MACROD2: variants seen among roughly 807,000 people sequenced by gnomAD.
MACROD2 encodes ADP-ribose glycohydrolase MACROD2.
In MACROD2, 36 loss-of-function variants were observed where a neutral mutation model predicts 70.4. The ratio of observed to expected loss-of-function variants is 0.51; its 90% confidence interval spans 0.39 to 0.68. The LOEUF (loss-of-function observed/expected upper bound fraction) is 0.68, where lower values mean the gene tolerates loss of function less well. MACROD2 is among the 30% of genes least tolerant of loss of function. MACROD2 has a pLI of 0.00. For missense variants in MACROD2, 496 were observed against 538.4 expected (o/e 0.92, Z 0.78); for synonymous variants, 172 against 178.8 (o/e 0.96, Z 0.30).
intron 5 of MACROD2, among the ~76,000 whole-genome samples, chr20:15,044,580 G>C (rs1568546572): frequency 6.6e-6 from 1 of 152,090 alleles, no homozygotes; most frequent in East Asian, 1.9e-4. Context: ...TTCTTTTTGG[G>C]TTTGGTCAAT....
intron 3 of MACROD2, among the ~76,000 whole-genome samples, chr20:14,259,391 G>T (rs1192698644): frequency 6.6e-6 from 1 of 152,056 alleles, no homozygotes; most frequent in African/African-American, 2.4e-5. Context: ...TACTCTTTCT[G>T]TGTCAATTAT....
intron 3 of MACROD2, among the ~76,000 whole-genome samples, chr20:14,442,993 G>T (rs2084142156): frequency 1.3e-5 from 2 of 151,594 alleles, no homozygotes; most frequent in South Asian, 4.2e-4. Flanking sequence ...ACGGGAGAAT[G>T]GCGTGAACCC....
intron 5 of MACROD2, among the ~76,000 whole-genome samples, chr20:15,087,745 AAATT>A (rs1358178582): frequency 6.6e-6 from 1 of 152,040 alleles, no homozygotes; most frequent in Admixed American, 6.6e-5. Flanking sequence ...AATATAAACA[AAATT>A]AAAAGACAAA....
chr20:14,831,609 T>C (rs1184667455), intron 5 of MACROD2, among the ~76,000 whole-genome samples: 1 of 151,144 alleles, frequency 6.6e-6, no homozygotes, highest in Non-Finnish European at 1.5e-5. Flanking sequence ...CGAAACCCCA[T>C]CTTTACTAAA....
chr20:14,041,060 C>G (rs2053383959), intron 2 of MACROD2, among the ~76,000 whole-genome samples: 1 of 152,174 alleles, frequency 6.6e-6, no homozygotes, highest in African/African-American at 2.4e-5. Flanking sequence ...GATTCATAGT[C>G]TGAGTTTCCT....
At chr20:15,856,010 A>T (rs1306483713) in intron 8 of MACROD2, among the ~76,000 whole-genome samples, 2 of 152,278 alleles carry the variant, frequency 1.3e-5, no homozygotes, top group Middle Eastern at 3.4e-3. Flanking sequence ...CTTTTGGTGA[A>T]TATATTTGTA....
intron 11 of MACROD2, 142 bp from the exon 12 acceptor site, chr20:15,937,334 C>T (rs1158688750): frequency 2.9e-6 from 2 of 689,804 alleles, no homozygotes; most frequent in East Asian, 5.4e-5. Flanking sequence ...CTAGCCCCTT[C>T]AAAGAGCATT....
intron 8 of MACROD2, among the ~76,000 whole-genome samples, chr20:15,810,000 G>T (rs1425529394): frequency 6.7e-6 from 1 of 148,994 alleles, no homozygotes; most frequent in African/African-American, 2.5e-5. Flanking sequence ...ATCTCCTAAT[G>T]CTGTCCCTCC....
At chr20:15,357,299 C>T (rs2078298873) in intron 6 of MACROD2, among the ~76,000 whole-genome samples, 1 of 151,988 alleles carries the variant, frequency 6.6e-6, no homozygotes, top group South Asian at 2.1e-4. Flanking sequence ...TTTCTATTTG[C>T]TTGACTGTAT....
At chr20:15,479,906 C>T (rs905079844) in intron 7 of MACROD2, among the ~76,000 whole-genome samples, 1 of 152,064 alleles carries the variant, frequency 6.6e-6, no homozygotes, top group Admixed American at 6.5e-5. Context: ...ATAAAAACAC[C>T]TATATGCATG....
chr20:14,356,010 A>G (rs992098978), intron 3 of MACROD2, among the ~76,000 whole-genome samples: 4 of 152,176 alleles, frequency 2.6e-5, no homozygotes, highest in Non-Finnish European at 5.9e-5. Context: ...TTTCAAGAAC[A>G]ACCATTGGAT....
At chr20:15,667,701 C>T (rs1420433) in intron 8 of MACROD2, among the ~76,000 whole-genome samples, 2 of 151,888 alleles carry the variant, frequency 1.3e-5, no homozygotes, top group Non-Finnish European at 2.9e-5. Context: ...TTAATCCTCC[C>T]ACCTGTTACG....
At chr20:15,937,853 A>G (rs1172796657) in intron 12 of MACROD2, among the ~76,000 whole-genome samples, 2 of 152,202 alleles carry the variant, frequency 1.3e-5, no homozygotes, top group East Asian at 3.9e-4. Flanking sequence ...ATGTTTATTT[A>G]AAACACCAGA....
chr20:14,822,768 C>T (rs542531085), intron 5 of MACROD2, among the ~76,000 whole-genome samples: 20 of 152,060 alleles, frequency 1.3e-4, no homozygotes, highest in African/African-American at 4.6e-4. Flanking sequence ...ATAGAGTTTT[C>T]GATAATTATT....
At chr20:14,173,866 A>G (rs1325991829) in intron 3 of MACROD2, among the ~76,000 whole-genome samples, 2 of 152,018 alleles carry the variant, frequency 1.3e-5, no homozygotes, top group Admixed American at 6.6e-5. Flanking sequence ...CTGAGAGCCA[A>G]ACTGCAGTGA....
In MACROD2 at chr20:14,326,510, T is replaced by C. The variant is rs1302536231; in HGVS notation, c.272-166969T>C. The C allele has an allele frequency of 6.2e-7, 1 of 1,613,480 alleles. No individual in the cohort carries two copies. The highest frequency in any genetic ancestry group is 8.5e-7 in the Non-Finnish European group (1 of 1,179,488). On this transcript the variant is annotated intron_variant, in intron 3 of 17. Coordinates refer to ENST00000684519, the MANE Select transcript of MACROD2 (RefSeq NM_001351661.2). The surrounding 1 kb of genome is among the most constrained non-coding windows in gnomAD (Gnocchi z 5.5). The stretch of plus-strand genomic sequence containing the variant: ...CGAACCTTTTCTGGGGCTTGGCACA[T>C]GAGCCCACGCACGTTGACCTTCACA...
At chr20:14,990,506 T>C (rs538733845) in intron 5 of MACROD2, among the ~76,000 whole-genome samples, 4 of 149,880 alleles carry the variant, frequency 2.7e-5, no homozygotes, top group African/African-American at 9.9e-5. Context: ...CCTTTTTTTT[T>C]TTCTTTTTCT....
chr20:14,164,251 G>A (rs2055232980), intron 3 of MACROD2, among the ~76,000 whole-genome samples: 1 of 152,154 alleles, frequency 6.6e-6, no homozygotes, highest in Admixed American at 6.5e-5. Context: ...TGGTGGCTTA[G>A]GGTGTGATTG....
chr20:14,464,366 G>C (rs1461273975), intron 3 of MACROD2, among the ~76,000 whole-genome samples: 1 of 152,022 alleles, frequency 6.6e-6, no homozygotes, highest in Non-Finnish European at 1.5e-5. Context: ...TATTTCTGTG[G>C]GATCAGTGGT....
Sources: allele counts gnomAD v4.1 joint callset (sites outside exome capture counted in the v4.1 genomes callset), GRCh38; gene constraint gnomAD v4.1.1; non-coding constraint Gnocchi (gnomAD v3.1); transcripts MANE v1.5; gene names NCBI Gene and HGNC (gene_info 2026-07-23, HGNC 2026-07-21).